ST6GALNAC2: variants seen among roughly 807,000 people sequenced by gnomAD.
ST6GALNAC2 encodes ST6 N-acetylgalactosaminide alpha-2,6-sialyltransferase 2, also known as alpha-N-acetylgalactosaminide alpha-2,6-sialyltransferase 2.
In ST6GALNAC2, 42 loss-of-function variants were observed where a neutral mutation model predicts 38.7. The observed-to-expected ratio is 1.09, with a 90% CI of 0.85 to 1.40. ST6GALNAC2 has a LOEUF of 1.40. Ranked by LOEUF, ST6GALNAC2 falls within the 40% of genes most tolerant of loss-of-function variation. The pLI is 0.00. For synonymous variants in ST6GALNAC2, 233 were observed against 209.0 expected, an observed-to-expected ratio of 1.11 and a Z score of -0.99; for missense variants, 506 against 481.7, an observed-to-expected ratio of 1.05 and a Z score of -0.47.
At chr17:76,571,960 G>A (rs1015715054) in intron 5 of ST6GALNAC2, among the ~76,000 whole-genome samples, 1 of 152,164 alleles carries the variant, frequency 6.6e-6, no homozygotes. Flanking sequence ...TTCCCACACA[G>A]GGCTATTGTG....
At chr17:76,583,375 C>CCAAAAAAAAAAAA (rs552258391) in intron 1 of ST6GALNAC2, among the ~76,000 whole-genome samples, 5 of 97,522 alleles carry the variant, frequency 5.1e-5, no homozygotes, top group Admixed American at 1.2e-4. Context: ...GACTCTGTCC[C>CCAAAAAAAAAAAA]AAAAAAAAAA....
chr17:76,571,713 A>G (rs935900158), intron 5 of ST6GALNAC2, among the ~76,000 whole-genome samples: 1 of 152,220 alleles, frequency 6.6e-6, no homozygotes, highest in Non-Finnish European at 1.5e-5. Flanking sequence ...GCCCCTGGTC[A>G]GGGGAGGAAG....
intron 2 of ST6GALNAC2, among the ~76,000 whole-genome samples, chr17:76,576,046 A>T (rs1256247067): frequency 6.6e-6 from 1 of 152,180 alleles, no homozygotes; most frequent in Non-Finnish European, 1.5e-5. Flanking sequence ...GAGTTTCCAG[A>T]TTAGCTTGGT....
chr17:76,584,590 C>T (rs1598265858), intron 1 of ST6GALNAC2, among the ~76,000 whole-genome samples: 1 of 152,280 alleles, frequency 6.6e-6, no homozygotes. Flanking sequence ...TATCCTCCCA[C>T]CTCCGCCTCC....
chr17:76,568,088 C>G (rs143837533), intron 7 of ST6GALNAC2: 1,761 of 162,734 alleles, frequency 0.011, 32 homozygotes, highest in African/African-American at 0.04. Context: ...TGCCTCCCCA[C>G]ATCCACACAC....
At chr17:76,569,288 A>G (rs1424328576) in intron 6 of ST6GALNAC2, 2 of 217,736 alleles carry the variant, frequency 9.2e-6, no homozygotes, top group African/African-American at 7.4e-5. Flanking sequence ...ATATAGGAAG[A>G]TGAGGTGGCA....
chr17:76,585,533 C>G (rs145005410), intron 1 of ST6GALNAC2, 151 bp downstream of exon 1: 34,127 of 916,494 alleles, frequency 0.037, 800 homozygotes, highest in Non-Finnish European at 0.044. Context: ...GACAAAGGGC[C>G]GCGGCCGAGT....
Position 76,573,174 on chromosome 17 carries a change from C to T in ST6GALNAC2, c.530+21G>A. The T allele has an allele frequency of 6.3e-7, 1 of 1,599,778 alleles. No individual in the cohort carries two copies. The highest frequency in any genetic ancestry group is 8.5e-7 in the Non-Finnish European group (1 of 1,172,434). The stretch of plus-strand genomic sequence containing the variant: ...CAGGCAACTCTCCCTCCCGCCCCTC[C>T]CCAGCTCCTACCCCTCATACCTGAA... On this transcript the variant is annotated intron_variant, in intron 4 of 8. Coordinates refer to ENST00000225276, the MANE Select transcript of ST6GALNAC2 (RefSeq NM_006456.3). The surrounding 1 kb of genome is among the most constrained non-coding windows in gnomAD (Gnocchi z 5.1).
intron 1 of ST6GALNAC2, among the ~76,000 whole-genome samples, chr17:76,581,377 C>T (rs765863016): frequency 3.6e-4 from 54 of 151,880 alleles, no homozygotes; most frequent in African/African-American, 7.7e-4. Flanking sequence ...TGCTCAGCCC[C>T]GAAATCCTGA....
At position 76,566,227 on chromosome 17, in the gene ST6GALNAC2, G is replaced by A. The variant is rs376921403; in HGVS notation, c.1002C>T (p.Ser334=). The change falls in exon 9 of 9, where the codon TCC becomes TCT. Residue 334 remains serine, a synonymous_variant. Coordinates refer to ENST00000225276, the MANE Select transcript of ST6GALNAC2 (RefSeq NM_006456.3). ...TCATTTTTCGTTCGAAATAGTGGTC[G>A]GAAAATTTCCAGTAGTTGCTTGTGA... ...GFITSNYWKF[S]DHYFERKMKP... 2.4e-5 allele frequency: 39 copies of A among 1,614,002 alleles called. No homozygotes were observed. The highest frequency in any genetic ancestry group is 9.3e-5 in the African/African-American group (7 of 74,910).
chr17:76,567,372 TA>T, intron 8 of ST6GALNAC2, 80 bp downstream of exon 8: 1 of 1,011,020 alleles, frequency 9.9e-7, no homozygotes, highest in Non-Finnish European at 1.6e-6. Context: ...AGCTCCGAGG[TA>T]AGGGATATCA....
chr17:76,584,825 G>C (rs2075524549), intron 1 of ST6GALNAC2, among the ~76,000 whole-genome samples: 1 of 152,246 alleles, frequency 6.6e-6, no homozygotes, highest in Admixed American at 6.5e-5. Context: ...CTCCAGGAAG[G>C]GAAAGGCTGG....
rs764790754 is a variant in ST6GALNAC2 at position 76,578,801 on chromosome 17, A to G, written c.141T>C (p.Phe47=). 2 of 1,613,622 alleles carry G rather than the reference A, an allele frequency of 1.2e-6. No individual in the cohort carries two copies. The highest frequency in any genetic ancestry group is 1.1e-5 in the South Asian group (1 of 90,996). ...PAAGARDTTS[F]EAFFQSKASN... ...ATGCCTTGGATTGAAAGAATGCTTC[A>G]AATGATGTGGTGTCCCTGGGGGAAA... is the stretch of plus-strand genomic sequence containing the variant. Residue 47 remains phenylalanine, a synonymous_variant, in exon 2 of 9, where the codon TTT becomes TTC. Transcript: ENST00000225276.
chr17:76,583,579 G>A (rs1485127131), intron 1 of ST6GALNAC2, among the ~76,000 whole-genome samples: 2 of 146,564 alleles, frequency 1.4e-5, no homozygotes, highest in Admixed American at 1.4e-4. Context: ...GTCCAAGGTC[G>A]AGGAACCACA....
At chr17:76,571,700 T>C (rs772438574) in intron 5 of ST6GALNAC2, among the ~76,000 whole-genome samples, 3 of 152,218 alleles carry the variant, frequency 2.0e-5, no homozygotes, top group Non-Finnish European at 4.4e-5. Flanking sequence ...GGACACTCCT[T>C]AAGCCCCTGG....
intron 1 of ST6GALNAC2, among the ~76,000 whole-genome samples, chr17:76,585,216 G>A (rs1221506614): frequency 2.0e-5 from 3 of 152,226 alleles, no homozygotes; most frequent in South Asian, 2.1e-4. Context: ...GGGCGGGAAA[G>A]GCGACTGGCC....
intron 6 of ST6GALNAC2, chr17:76,569,886 TTGTC>T (rs1040255157): frequency 3.7e-6 from 1 of 271,692 alleles, no homozygotes; most frequent in African/African-American, 2.2e-5. Flanking sequence ...GGAGGGCTGG[TTGTC>T]TGGGCCACAG....
intron 1 of ST6GALNAC2, among the ~76,000 whole-genome samples, chr17:76,581,460 A>C (rs994648082): frequency 4.8e-5 from 7 of 146,736 alleles, no homozygotes; most frequent in African/African-American, 1.7e-4. Context: ...CACCCCAACC[A>C]GGTGATTCTG....
intron 1 of ST6GALNAC2, among the ~76,000 whole-genome samples, chr17:76,582,025 G>T (rs926634174): frequency 6.6e-5 from 10 of 151,678 alleles, no homozygotes; most frequent in African/African-American, 2.4e-4. Context: ...ATGCCACCAT[G>T]CCCAGCTAAG....
Sources: gnomAD v4.1 joint callset for allele counts (sites outside exome capture counted in the v4.1 genomes callset) on GRCh38, gnomAD v4.1.1 for gene constraint, Gnocchi (gnomAD v3.1) non-coding constraint, MANE v1.5 for transcripts, NCBI Gene and HGNC (gene_info 2026-07-23, HGNC 2026-07-21) for gene names.